The following KCNH1 variants were observed in gnomAD, a reference collection of about 807,000 sequenced individuals.
KCNH1 encodes potassium voltage-gated channel subfamily H member 1, also known as voltage-gated delayed rectifier potassium channel KCNH1.
Under a neutral mutation model 69.2 loss-of-function variants are expected in KCNH1, and 27 were observed. The ratio of observed to expected loss-of-function variants is 0.39; its 90% CI spans 0.29 to 0.54. KCNH1 has a LOEUF of 0.54. Among genes scored for constraint, KCNH1 ranks in the 20% least tolerant of loss-of-function variants. KCNH1 has a pLI of 0.68. For missense variants in KCNH1, 798 were observed against 1,261.6 expected (o/e 0.63, Z 5.57); for synonymous variants, 456 against 487.7 (o/e 0.93, Z 0.86).
intron 7 of KCNH1, among the ~76,000 whole-genome samples, chr1:210,871,051 G>T (rs1248135649): frequency 6.6e-6 from 1 of 152,118 alleles, no homozygotes; most frequent in African/African-American, 2.4e-5. Flanking sequence ...ATTGACAAAT[G>T]GGATCTAATT....
chr1:210,753,880 G>A (rs577692803), intron 10 of KCNH1, among the ~76,000 whole-genome samples: 4 of 151,628 alleles, frequency 2.6e-5, no homozygotes, highest in African/African-American at 9.7e-5. Flanking sequence ...ACACTTTGTA[G>A]GGTTTTCAAG....
intron 7 of KCNH1, among the ~76,000 whole-genome samples, chr1:210,893,759 C>A (rs2102526026): frequency 6.6e-6 from 1 of 152,204 alleles, no homozygotes; most frequent in East Asian, 1.9e-4. Context: ...TGTCATAGCT[C>A]TTCGAAGCCT....
rs948933832 is a variant in KCNH1, at chr1:210,678,927, C to A, written c.*4354G>T. 3 of 152,190 alleles carry A rather than the reference C, an allele frequency of 2.0e-5. No individual in the cohort carries two copies. Among genetic ancestry groups the A allele is most frequent in the Non-Finnish European group, 4.4e-5 (3 of 68,038 alleles). 9.4% of individuals were successfully genotyped at this position (152,190 alleles called of 1,614,324 possible). A position where few individuals can be genotyped will look rare whatever the true frequency, so the allele number is the denominator to read the frequency against. On this transcript the variant is annotated 3_prime_UTR_variant, in exon 11 of 11. Transcript: ENST00000271751. ...GGGAGGGCACCCACCAGTCTGGCAC[C>A]TGCAGGGAATTCAAGTCCAGTTCTA... is the stretch of plus-strand genomic sequence containing the variant.
intron 9 of KCNH1, among the ~76,000 whole-genome samples, chr1:210,778,273 G>A (rs369578167): frequency 2.0e-5 from 3 of 152,148 alleles, no homozygotes; most frequent in Non-Finnish European, 4.4e-5. Flanking sequence ...ATTTAGGGGC[G>A]GTTTGCTACA....
intron 10 of KCNH1, among the ~76,000 whole-genome samples, chr1:210,712,120 T>C (rs549398763): frequency 2.0e-5 from 3 of 152,178 alleles, no homozygotes; most frequent in South Asian, 2.1e-4. Context: ...GCAAAGAACA[T>C]AGATGAGATG....
intron 6 of KCNH1, among the ~76,000 whole-genome samples, chr1:211,003,630 T>G (rs1483124499): frequency 6.6e-6 from 1 of 151,972 alleles, no homozygotes; most frequent in South Asian, 2.1e-4. Flanking sequence ...ATAAAACTAC[T>G]AGAAGAGATG....
At chr1:210,686,062 T>A (rs1392331648) in intron 10 of KCNH1, among the ~76,000 whole-genome samples, 1 of 152,164 alleles carries the variant, frequency 6.6e-6, no homozygotes, top group African/African-American at 2.4e-5. Context: ...ATTTCTCCCA[T>A]CCCTGCCTCC....
chr1:211,101,398 G>A (rs918539320), intron 3 of KCNH1, among the ~76,000 whole-genome samples: 1 of 152,216 alleles, frequency 6.6e-6, no homozygotes, highest in Admixed American at 6.5e-5. Flanking sequence ...TTCCTCAAGA[G>A]AGGGTGGGAT....
At chr1:211,067,336 T>C (rs374631436) in intron 5 of KCNH1, among the ~76,000 whole-genome samples, 2 of 152,210 alleles carry the variant, frequency 1.3e-5, no homozygotes, top group African/African-American at 4.8e-5. Context: ...CAGCTGCTGG[T>C]TCCTAAGGGA....
intron 6 of KCNH1, among the ~76,000 whole-genome samples, chr1:211,009,021 T>A (rs1031015975): frequency 4.6e-5 from 7 of 152,060 alleles, no homozygotes; most frequent in Non-Finnish European, 8.8e-5. Context: ...AGGGGAAGAA[T>A]ATTCCAGGCA....
At chr1:210,818,910 C>T (rs1320616341) in intron 7 of KCNH1, among the ~76,000 whole-genome samples, 2 of 152,162 alleles carry the variant, frequency 1.3e-5, no homozygotes, top group Admixed American at 6.5e-5. Context: ...AGTGGGTGAG[C>T]AAGTAGATTT....
chr1:211,033,681 G>A lies in KCNH1; in HGVS notation c.559-14425C>T, dbSNP rs540428320. On this transcript the variant is annotated intron_variant, in intron 5 of 10. Coordinates refer to ENST00000271751, the MANE Select transcript of KCNH1 (RefSeq NM_172362.3). ...TGGCAAGGACAAAAAACAGAACACCGCATATTCTCACTCATAGGTGGGAAT... is the reference window on the plus strand; with the variant it reads ...TGGCAAGGACAAAAAACAGAACACCACATATTCTCACTCATAGGTGGGAAT... Among the ~76,000 whole-genome samples the A allele has an allele frequency of 8.6e-5, 13 of 151,918 alleles. No homozygotes were observed. The East Asian group carries it at 2.3e-3, about 27-fold the overall frequency.
chr1:211,006,986 C>CA (rs1285442673), intron 6 of KCNH1, among the ~76,000 whole-genome samples: 1 of 151,748 alleles, frequency 6.6e-6, no homozygotes, highest in Admixed American at 6.6e-5. Context: ...CAATATATGC[C>CA]AAAATGTTAA....
chr1:210,755,231 T>G (rs1172439636), intron 10 of KCNH1, among the ~76,000 whole-genome samples: 3 of 152,074 alleles, frequency 2.0e-5, no homozygotes, highest in East Asian at 3.9e-4. Flanking sequence ...GTGGGGCTGG[T>G]GGAAATGGAA....
Position 211,018,953 on chromosome 1 carries a change from G to A in KCNH1, c.862C>T (p.Arg288Cys), listed in dbSNP as rs751141740. 7 of 1,613,996 alleles carry A rather than the reference G, an allele frequency of 4.3e-6. No individual in the cohort carries two copies. The highest frequency in any genetic ancestry group is 2.2e-5 in the South Asian group (2 of 91,064). The change falls in exon 6 of 11, where the codon CGC (arginine) becomes TGC (cysteine). Residue 288 changes from arginine to cysteine, a missense_variant. Transcript: ENST00000271751. ...GEVISDPKLI[R>C]MNYLKTWFVI... The stretch of plus-strand genomic sequence containing the variant: ...AACCACGTCTTCAGGTAGTTCATGC[G>A]GATAAGTTTGGGGTCAGAAATCACC...
rs916020588 is a variant in KCNH1, at chr1:210,969,793, T to A, written c.1032+48990A>T. Among the ~76,000 whole-genome samples the A allele has an allele frequency of 2.0e-5, 3 of 152,320 alleles. No individual in the cohort carries two copies. In the East Asian group the frequency reaches 5.8e-4, roughly 29 times the overall value. ...TTCCTCCTACTTTTAAATAATTTGT[T>A]TTTTTAAACTATCATTGAATGCTTG... On this transcript the variant is annotated intron_variant, in intron 6 of 10. Coordinates refer to ENST00000271751, the MANE Select transcript of KCNH1 (RefSeq NM_172362.3).
intron 5 of KCNH1, among the ~76,000 whole-genome samples, chr1:211,066,010 G>A (rs972774695): frequency 2.0e-5 from 3 of 152,096 alleles, no homozygotes; most frequent in African/African-American, 7.2e-5. Context: ...AGTGAGTCAT[G>A]ACCACACCAC....
intron 7 of KCNH1, among the ~76,000 whole-genome samples, chr1:210,816,459 CAT>C (rs1684818445): frequency 6.6e-6 from 1 of 152,224 alleles, no homozygotes; most frequent in African/African-American, 2.4e-5. Context: ...CAGCAATTTC[CAT>C]AGGCAATTAC....
At chr1:210,716,164 C>T (rs140671210) in intron 10 of KCNH1, among the ~76,000 whole-genome samples, 217 of 152,056 alleles carry the variant, frequency 1.4e-3, no homozygotes, top group African/African-American at 4.9e-3. Context: ...CTGGGCGTGG[C>T]GGCTCATTCC....
Sources: allele counts gnomAD v4.1 joint callset (sites outside exome capture counted in the v4.1 genomes callset), GRCh38; gene constraint gnomAD v4.1.1; transcripts MANE v1.5; gene names NCBI Gene and HGNC (gene_info 2026-07-23, HGNC 2026-07-21).